Variants in ADAMTS4 observed in about 807,000 individuals in gnomAD.
The protein encoded by ADAMTS4 is ADAM metallopeptidase with thrombospondin type 1 motif 4.
A neutral mutation model predicts 66.7 loss-of-function variants in ADAMTS4; 38 were observed. The observed-to-expected ratio is 0.57, with a 90% confidence interval of 0.44 to 0.75. The LOEUF is 0.75. Ranked by LOEUF, ADAMTS4 falls within the 30% of genes least tolerant of loss-of-function variation. ADAMTS4 has a pLI of 0.00. For synonymous variants in ADAMTS4, 418 were observed against 461.5 expected (o/e 0.91, Z 1.21); for missense variants, 1,014 against 1,116.7 (o/e 0.91, Z 1.31).
chr1:161,192,721 C>T (rs78949430), intron 7 of ADAMTS4, among the ~76,000 whole-genome samples: 1 of 152,052 alleles, frequency 6.6e-6, no homozygotes, highest in East Asian at 1.9e-4. Context: ...CAGGTTGGGG[C>T]GAAGGGAGCA....
Position 161,191,458 on chromosome 1 carries a change from G to T in ADAMTS4, c.2194C>A (p.Pro732Thr). 1 of 1,614,192 alleles carries T rather than the reference G, an allele frequency of 6.2e-7. No individual in the cohort carries two copies. Among genetic ancestry groups the T allele is most frequent in the Non-Finnish European group, 8.5e-7 (1 of 1,180,026 alleles). The change falls in exon 9 of 9, where the codon CCA (proline) becomes ACA (threonine). Residue 732 changes from proline (P) to threonine (T), a missense_variant. Physicochemically the swap from Pro to Thr is conservative, Grantham distance 38. Transcript: ENST00000367996. ...CCATTGAGGGCATAGGAGCCATCTG[G>T]CAGCTTCAGGGCCAAGTAGATGCTC... is the stretch of plus-strand genomic sequence containing the variant. ...HRSIYLALKL[P>T]DGSYALNGEY... is the part of the protein sequence containing the mutation.
chr1:161,190,920 G>A lies in ADAMTS4; in HGVS notation c.*218C>T, dbSNP rs1664655619. 1.4e-5 allele frequency: 7 copies of A among 509,652 alleles called. No homozygotes were observed. The East Asian group carries it at 2.1e-4, about 15-fold the overall frequency. 31.6% of individuals were successfully genotyped at this position (509,652 alleles called of 1,614,324 possible). On this transcript the variant is annotated 3_prime_UTR_variant, in exon 9 of 9. Coordinates refer to ENST00000367996, the MANE Select transcript of ADAMTS4 (RefSeq NM_005099.6). ...GAGGGGGCAGTTTAGATGGAGGGCT[G>A]TCTGTCAGCCCCTTCCATCCACTAA...
In ADAMTS4 at chr1:161,196,395, G is replaced by C; in HGVS notation, c.958-92C>G. The C allele has an allele frequency of 2.6e-6, 4 of 1,531,800 alleles. No homozygotes were observed. The South Asian group carries it at 5.1e-5, about 19-fold the overall frequency. The allele number at this position is 1,531,800 out of a possible 1,614,324, so 94.9% of individuals were successfully genotyped here. A position where few individuals can be genotyped will look rare whatever the true frequency, so the allele number is the denominator to read the frequency against. On this transcript the variant is annotated intron_variant, in intron 2 of 8. Transcript: ENST00000367996. ...AGATTCCCGGGGACCTGGGCACTGAGGACCCAGCACTGTCAGGGCCTAGGT... is the reference window on the plus strand; with the variant it reads ...AGATTCCCGGGGACCTGGGCACTGACGACCCAGCACTGTCAGGGCCTAGGT...
At chr1:161,192,285 A>G in intron 7 of ADAMTS4, 45 bp from the exon 8 acceptor site, 3 of 1,581,546 alleles carry the variant, frequency 1.9e-6, no homozygotes, top group Admixed American at 1.7e-5. Context: ...CTCCTAAGTC[A>G]AAAGGGGTTG....
In ADAMTS4 at chr1:161,193,345, G is replaced by A. The variant is rs754430063; in HGVS notation, c.1779C>T (p.Arg593=). 3.1e-6 allele frequency: 5 copies of A among 1,614,006 alleles called. 1 individual carries two copies. In the South Asian group the frequency reaches 5.5e-5, roughly 18 times the overall value. ...CTGGGAAGCTCTTGAAGAGGTCGGTGCGGTGGTTGTAGGCAGCACACTGCT... is the reference window on the plus strand; with the variant it reads ...CTGGGAAGCTCTTGAAGAGGTCGGTACGGTGGTTGTAGGCAGCACACTGCT... ...REEQCAAYNH[R]TDLFKSFPGP... The change falls in exon 7 of 9, where the codon CGC becomes CGT. Residue 593 remains arginine (R), a synonymous_variant. Coordinates refer to ENST00000367996, the MANE Select transcript of ADAMTS4 (RefSeq NM_005099.6). The surrounding 1 kb of genome is among the most constrained non-coding windows in gnomAD (Gnocchi z 4.4).
intron 3 of ADAMTS4, 86 bp from the exon 4 acceptor site, chr1:161,195,721 G>T: frequency 7.3e-7 from 1 of 1,367,006 alleles, no homozygotes; most frequent in Non-Finnish European, 1.0e-6. Flanking sequence ...TGCAGCTGTG[G>T]ATGATCAGAT....
rs1282238301 is a variant in ADAMTS4, at chr1:161,198,352, C to T, written c.276G>A (p.Leu92=). 1 of 1,613,288 alleles carries T rather than the reference C, an allele frequency of 6.2e-7. No individual in the cohort carries two copies. Among genetic ancestry groups the T allele is most frequent in the Admixed American group, 1.7e-5 (1 of 60,016 alleles). Residue 92 remains leucine (L), a synonymous_variant, in exon 1 of 9, where the codon CTG becomes CTA. Coordinates refer to ENST00000367996, the MANE Select transcript of ADAMTS4 (RefSeq NM_005099.6). The surrounding 1 kb of genome is among the most constrained non-coding windows in gnomAD (Gnocchi z 4.7). ...LCRLQAFGET[L]LLELEQDSGV... ...CGGAGTCCTGCTCCAGCTCTAGTAG[C>T]AGCGTCTCCCCAAAGGCCTGCAAGC...
Position 161,193,768 on chromosome 1 carries a change from C to T in ADAMTS4, c.1607G>A (p.Cys536Tyr), listed in dbSNP as rs775557044. 2 of 1,613,820 alleles carry T rather than the reference C, an allele frequency of 1.2e-6. No individual in the cohort carries two copies. Among genetic ancestry groups the T allele is most frequent in the Admixed American group, 1.7e-5 (1 of 59,980 alleles). The change falls in exon 6 of 9, where the codon TGT becomes TAT. Residue 536 changes from cysteine (C) to tyrosine (Y), a missense_variant. Cys to Tyr is a radical substitution (Grantham distance 194). Transcript: ENST00000367996. This position sits in a 1 kb window ranked among gnomAD's most constrained non-coding sequence, Gnocchi z 4.4. ...GGAGGAGAACTGGACACCACCCCCA[C>T]AGGTCCGAGAGCAGTCACCCCATGG... Reference protein sequence around the residue: ...WGPWGDCSRTCGGGVQFSSRD... With the variant: ...WGPWGDCSRTYGGGVQFSSRD...
rs775589124 is a variant in ADAMTS4 at position 161,195,517 on chromosome 1, G to A, written c.1209C>T (p.Pro403=). The change falls in exon 4 of 9, where the codon CCC becomes CCT. Residue 403 remains proline (P), a synonymous_variant. Coordinates refer to ENST00000367996, the MANE Select transcript of ADAMTS4 (RefSeq NM_005099.6). The stretch of plus-strand genomic sequence containing the variant: ...TGAAGCGGGCACTGCAGGGGGACCA[G>A]GGCTCCTCAGGATCCACATGAGCCA... The part of the protein sequence containing the change: ...PVMAHVDPEE[P]WSPCSARFIT... 1 of 1,613,902 alleles carries A rather than the reference G, an allele frequency of 6.2e-7. No homozygotes were observed. The highest frequency in any genetic ancestry group is 8.5e-7 in the Non-Finnish European group (1 of 1,179,868).
In ADAMTS4 at chr1:161,185,961, A is replaced by G. The variant is rs1664533860; in HGVS notation, c.*5177T>C. ...CCCCACCTCAAACACATACTCATGC[A>G]CAACACTTGCCATCTCATAAAATGG... On this transcript the variant is annotated 3_prime_UTR_variant, in exon 9 of 9. Transcript: ENST00000367996. 1 of 152,244 alleles carries G rather than the reference A, an allele frequency of 6.6e-6. No individual in the cohort carries two copies. The highest frequency in any genetic ancestry group is 1.5e-5 in the Non-Finnish European group (1 of 68,042). The allele number at this position is 152,244 out of a possible 1,614,324, so 9.4% of individuals were successfully genotyped here. A position where few individuals can be genotyped will look rare whatever the true frequency, so the allele number is the denominator to read the frequency against.
rs1482703181 is a variant in ADAMTS4 at position 161,192,152 on chromosome 1, C to T, written c.2000G>A (p.Gly667Asp). The change falls in exon 8 of 9, where the codon GGC (glycine) becomes GAC (aspartate). Residue 667 changes from glycine (G) to aspartate (D), a missense_variant. Physicochemically the swap from Gly to Asp is moderately conservative, Grantham distance 94 (BLOSUM62 -1). Transcript: ENST00000367996. The stretch of plus-strand genomic sequence containing the variant: ...GCACTTGTCAAACTTCTTCTTGGAG[C>T]CAATGATGCGATCACAGCCAGCATG... ...CIHAGCDRII[G>D]SKKKFDKCMV... The T allele has an allele frequency of 1.9e-6, 3 of 1,614,120 alleles. No homozygotes were observed. Among genetic ancestry groups the T allele is most frequent in the South Asian group, 2.2e-5 (2 of 91,078 alleles).
chr1:161,194,224 G>A lies in ADAMTS4; in HGVS notation c.1262-3C>T. The stretch of plus-strand genomic sequence containing the variant: ...TGGTTTGTCTAAGAGACAGTGCCCT[G>A]GGAAGGGGGTTGGGGCACAAAGTCA... On this transcript the variant is annotated splice_polypyrimidine_tract_variant and splice_region_variant and intron_variant, in intron 4 of 8. Transcript: ENST00000367996. The surrounding 1 kb of genome is among the most constrained non-coding windows in gnomAD (Gnocchi z 4.1). 1 of 1,610,714 alleles carries A rather than the reference G, an allele frequency of 6.2e-7. No individual in the cohort carries two copies. The highest frequency in any genetic ancestry group is 8.5e-7 in the Non-Finnish European group (1 of 1,177,304).
Position 161,190,589 on chromosome 1 carries a change from ACTTTT to A in ADAMTS4, c.*544_*548del, listed in dbSNP as rs898964564. On this transcript the variant is annotated 3_prime_UTR_variant, in exon 9 of 9. Transcript: ENST00000367996. The stretch of plus-strand genomic sequence containing the variant: ...TCCCTGAAGGCCCACCCTACCCTTG[ACTTTT>A]CTTTTCCCAAAAAATAAAATTCAGG... 1.3e-5 allele frequency: 2 copies of A among 152,546 alleles called. No individual in the cohort carries two copies. Among genetic ancestry groups the A allele is most frequent in the African/African-American group, 2.4e-5 (1 of 41,384 alleles). 9.4% of individuals were successfully genotyped at this position (152,546 alleles called of 1,614,324 possible).
chr1:161,197,944 G>A, intron 1 of ADAMTS4, 51 bp downstream of exon 1: 1 of 1,518,894 alleles, frequency 6.6e-7, no homozygotes, highest in Non-Finnish European at 8.8e-7. Context: ...GGGTCAGTAG[G>A]ACAGACATGG....
At position 161,188,231 on chromosome 1, in the gene ADAMTS4, CTTTTTTTTTTT is replaced by C. The variant is rs34044235; in HGVS notation, c.*2896_*2906del. Reference sequence around the variant, plus strand: ...CAGGTGTGAGCCACCATGCCTGGCCCTTTTTTTTTTTTTTTTTTTTTTTTTGAGTTGGTGTT... The same window carrying C: ...CAGGTGTGAGCCACCATGCCTGGCCCTTTTTTTTTTTTTTGAGTTGGTGTT... On this transcript the variant is annotated 3_prime_UTR_variant, in exon 9 of 9. Transcript: ENST00000367996. 8.5e-5 allele frequency: 5 copies of C among 58,712 alleles called. No individual in the cohort carries two copies. The East Asian group carries it at 3.1e-3, about 36-fold the overall frequency. The allele number at this position is 58,712 out of a possible 1,614,324, so 3.6% of individuals were successfully genotyped here.
In ADAMTS4 at chr1:161,193,123, A is replaced by T; in HGVS notation, c.1911+90T>A. ...CTGGCGTGGCTGTAGGAACAGGGTTACTTTGGGTGATCTTTGTTATCAGAA... is the reference window on the plus strand; with the variant it reads ...CTGGCGTGGCTGTAGGAACAGGGTTTCTTTGGGTGATCTTTGTTATCAGAA... On this transcript the variant is annotated intron_variant, in intron 7 of 8. Coordinates refer to ENST00000367996, the MANE Select transcript of ADAMTS4 (RefSeq NM_005099.6). The surrounding 1 kb of genome is among the most constrained non-coding windows in gnomAD (Gnocchi z 4.4). 7.1e-7 allele frequency: 1 copy of T among 1,411,922 alleles called. No homozygotes were observed. Among genetic ancestry groups the T allele is most frequent in the Admixed American group, 2.2e-5 (1 of 45,580 alleles). The allele number at this position is 1,411,922 out of a possible 1,614,324, so 87.5% of individuals were successfully genotyped here.
Position 161,198,155 on chromosome 1 carries a change from GC to G in ADAMTS4, c.472del (p.Ala158LeufsTer59). ...ALLGVLQYRG[A>X]ELHLQPLEGG... The stretch of plus-strand genomic sequence containing the variant: ...CTCCAGGGGCTGGAGGTGGAGTTCA[GC>G]CCCCCGATATTGTAACACGCCTAAC... On this transcript the variant is annotated frameshift_variant, in exon 1 of 9. Coordinates refer to ENST00000367996, the MANE Select transcript of ADAMTS4 (RefSeq NM_005099.6). LOFTEE classifies it high-confidence loss of function. This position sits in a 1 kb window ranked among gnomAD's most constrained non-coding sequence, Gnocchi z 4.7. The G allele has an allele frequency of 6.2e-7, 1 of 1,614,002 alleles. No homozygotes were observed. Among genetic ancestry groups the G allele is most frequent in the Non-Finnish European group, 8.5e-7 (1 of 1,179,964 alleles).
In ADAMTS4 at chr1:161,198,703, T is replaced by G; in HGVS notation, c.-76A>C. ...CCTCCACACCCTAGCTTTGGAAAGC[T>G]CCTCTCTGTAGCCTGGGGGCTTGGA... On this transcript the variant is annotated 5_prime_UTR_variant, in exon 1 of 9. Transcript: ENST00000367996. The surrounding 1 kb of genome is among the most constrained non-coding windows in gnomAD (Gnocchi z 4.7). The G allele has an allele frequency of 7.4e-7, 1 of 1,350,856 alleles. No homozygotes were observed. The highest frequency in any genetic ancestry group is 9.8e-7 in the Non-Finnish European group (1 of 1,018,114). The allele number at this position is 1,350,856 out of a possible 1,614,324, so 83.7% of individuals were successfully genotyped here.
Position 161,185,666 on chromosome 1 carries a change from T to G in ADAMTS4, c.*5472A>C, listed in dbSNP as rs1170784373. ...CCACAAGCCCTGACCAATGAGATGC[T>G]AGTTTTGTCACTTACTGCCAATCTG... On this transcript the variant is annotated 3_prime_UTR_variant, in exon 9 of 9. Coordinates refer to ENST00000367996, the MANE Select transcript of ADAMTS4 (RefSeq NM_005099.6). 1 of 152,048 alleles carries G rather than the reference T, an allele frequency of 6.6e-6. No individual in the cohort carries two copies. Among genetic ancestry groups the G allele is most frequent in the Admixed American group, 6.6e-5 (1 of 15,258 alleles). The allele number at this position is 152,048 out of a possible 1,614,324, so 9.4% of individuals were successfully genotyped here. A position where few individuals can be genotyped will look rare whatever the true frequency, so the allele number is the denominator to read the frequency against.
Sources: allele counts gnomAD v4.1 joint callset (sites outside exome capture counted in the v4.1 genomes callset), GRCh38; gene constraint gnomAD v4.1.1; non-coding constraint Gnocchi (gnomAD v3.1); transcripts MANE v1.5; gene names NCBI Gene and HGNC (gene_info 2026-07-23, HGNC 2026-07-21).